GALNT3: variants seen among roughly 807,000 people sequenced by gnomAD.
GALNT3 encodes GalNAc transferase 3.
GALNT3 carries 51 observed loss-of-function variants against 69.8 expected under a neutral mutation model. The ratio of observed to expected loss-of-function variants is 0.73; its 90% CI spans 0.58 to 0.92. The LOEUF is 0.92. Ranked by LOEUF, GALNT3 falls within the 40% of genes least tolerant of loss-of-function variation. GALNT3 has a pLI of 0.00. For missense variants in GALNT3, 711 were observed against 760.0 expected, an observed-to-expected ratio of 0.94 and a Z score of 0.76; for synonymous variants, 265 against 248.5, an observed-to-expected ratio of 1.07 and a Z score of -0.63.
At chr2:165,759,140 C>T (rs1688498144) in intron 5 of GALNT3, among the ~76,000 whole-genome samples, 196 bp downstream of exon 5, 2 of 152,198 alleles carry the variant, frequency 1.3e-5, no homozygotes, top group Admixed American at 6.5e-5. Context: ...TAAGAGCTCA[C>T]TCACTGCTAC....
intron 2 of GALNT3, among the ~76,000 whole-genome samples, chr2:165,766,882 G>A (rs1688652822): frequency 6.6e-6 from 1 of 152,092 alleles, no homozygotes; most frequent in African/African-American, 2.4e-5. Flanking sequence ...TTAAAAAAAG[G>A]AGTTGGATTG....
At chr2:165,778,223 G>T (rs373418704) in intron 1 of GALNT3, among the ~76,000 whole-genome samples, 3 of 152,300 alleles carry the variant, frequency 2.0e-5, no homozygotes, top group African/African-American at 7.2e-5. Flanking sequence ...ACATATGAAA[G>T]ATATGCATTG....
chr2:165,762,470 T>C (rs1688569028), intron 3 of GALNT3, among the ~76,000 whole-genome samples: 1 of 152,130 alleles, frequency 6.6e-6, no homozygotes, highest in Non-Finnish European at 1.5e-5. Context: ...TCTGGAAATC[T>C]TAAAGAAAAA....
chr2:165,762,083 C>G (rs771048885), intron 3 of GALNT3, 29 bp from the exon 4 acceptor site: 32 of 1,456,086 alleles, frequency 2.2e-5, no homozygotes, highest in Non-Finnish European at 3.0e-5. Flanking sequence ...AGGGTTAATT[C>G]TTTCTAAATG....
At position 165,759,268 on chromosome 2, in the gene GALNT3, AAC is replaced by A. The variant is rs1191429500; in HGVS notation, c.1073+66_1073+67del. On this transcript the variant is annotated intron_variant, in intron 5 of 10. Coordinates refer to ENST00000392701, the MANE Select transcript of GALNT3 (RefSeq NM_004482.4). ...CCTCAGAGGCAATTGCTATAAAGCA[AAC>A]AGTGTGTACATATTCAATGTATGGT... The A allele has an allele frequency of 8.8e-6, 11 of 1,250,274 alleles. No homozygotes were observed. In the Admixed American group the frequency reaches 2.1e-4, roughly 24 times the overall value. The allele number at this position is 1,250,274 out of a possible 1,614,324, so 77.4% of individuals were successfully genotyped here. A position where few individuals can be genotyped will look rare whatever the true frequency, so the allele number is the denominator to read the frequency against.
chr2:165,766,857 G>A (rs1688652334), intron 2 of GALNT3, among the ~76,000 whole-genome samples: 1 of 152,064 alleles, frequency 6.6e-6, no homozygotes, highest in Non-Finnish European at 1.5e-5. Flanking sequence ...CTTTAGAATG[G>A]ATTATTTGTA....
intron 1 of GALNT3, among the ~76,000 whole-genome samples, chr2:165,776,249 C>T (rs1688844082): frequency 6.6e-6 from 1 of 152,078 alleles, no homozygotes; most frequent in Non-Finnish European, 1.5e-5. Context: ...AAATTGGAAG[C>T]CCTACGTAAA....
intron 1 of GALNT3, among the ~76,000 whole-genome samples, chr2:165,774,909 C>CTTTTTTTTTT (rs71031204): frequency 2.4e-4 from 25 of 104,370 alleles, no homozygotes; most frequent in Non-Finnish European, 3.5e-4. Context: ...CTTCTTCTCT[C>CTTTTTTTTTT]TTTTTTTTTT....
At position 165,781,961 on chromosome 2, in the gene GALNT3, G is replaced by A. The variant is rs115581709; in HGVS notation, c.-108-11153C>T. ...TCAATAGCTACATACCAAATGCCAG[G>A]GGCCATGTGGTTTGATAAAGATATT... On this transcript the variant is annotated intron_variant, in intron 1 of 10. Transcript: ENST00000392701. Among the ~76,000 whole-genome samples, 928 of 152,192 alleles carry A rather than the reference G, an allele frequency of 6.1e-3. 9 individuals are homozygous for A. Among genetic ancestry groups the A allele is most frequent in the African/African-American group, 0.021 (873 of 41,544 alleles).
At chr2:165,782,673 C>T (rs1335838336) in intron 1 of GALNT3, among the ~76,000 whole-genome samples, 1 of 152,138 alleles carries the variant, frequency 6.6e-6, no homozygotes, top group African/African-American at 2.4e-5. Flanking sequence ...ACTTTTAAGT[C>T]TCCACTTTGA....
In GALNT3 at chr2:165,749,834, G is replaced by A; in HGVS notation, c.1687C>T (p.His563Tyr). 6.2e-7 allele frequency: 1 copy of A among 1,613,640 alleles called. No individual in the cohort carries two copies. The highest frequency in any genetic ancestry group is 8.5e-7 in the Non-Finnish European group (1 of 1,179,618). Reference protein sequence around the residue: ...RHNIQKELCLHAAQGLVQLKA... With the variant: ...RHNIQKELCLYAAQGLVQLKA... ...AGCTGAACGAGACCTTGAGCAGCAT[G>A]AAGACATAATTCCTTCTGGATGTTG... Residue 563 changes from histidine to tyrosine, a missense_variant, in exon 10 of 11, where the codon CAT becomes TAT. Coordinates refer to ENST00000392701, the MANE Select transcript of GALNT3 (RefSeq NM_004482.4).
intron 1 of GALNT3, among the ~76,000 whole-genome samples, chr2:165,786,843 G>A (rs1417905866): frequency 6.6e-6 from 1 of 152,122 alleles, no homozygotes. Flanking sequence ...ACCTCATAGG[G>A]TTGCTTTGAA....
Position 165,761,693 on chromosome 2 carries a change from A to T in GALNT3, c.838+212T>A, listed in dbSNP as rs1688551096. 3.1e-5 allele frequency: 22 copies of T among 714,736 alleles called. No homozygotes were observed. In the South Asian group the frequency reaches 3.2e-4, roughly 10 times the overall value. The allele number at this position is 714,736 out of a possible 1,614,324, so 44.3% of individuals were successfully genotyped here. Reference sequence around the variant, plus strand: ...GAACACTGAAGTTGAGGAAACTTAAACACAAAAGGAGATAAGAATTCTGCA... The same window carrying T: ...GAACACTGAAGTTGAGGAAACTTAATCACAAAAGGAGATAAGAATTCTGCA... On this transcript the variant is annotated intron_variant, in intron 4 of 10. Coordinates refer to ENST00000392701, the MANE Select transcript of GALNT3 (RefSeq NM_004482.4).
chr2:165,758,198 C>T (rs562217709), intron 6 of GALNT3, among the ~76,000 whole-genome samples: 2 of 152,284 alleles, frequency 1.3e-5, no homozygotes, highest in Admixed American at 6.5e-5. Context: ...TAGTTCAGTT[C>T]TTTTTCCACT....
intron 2 of GALNT3, among the ~76,000 whole-genome samples, chr2:165,767,869 C>CTTTTTTTTTTTTTTTTT (rs34044047): frequency 1.2e-5 from 1 of 82,464 alleles, no homozygotes; most frequent in African/African-American, 5.1e-5. Flanking sequence ...AAAAACAAAT[C>CTTTTTTTTTTTTTTTTT]TTTTTTTTTT....
chr2:165,789,732 G>T (rs1383975787), intron 1 of GALNT3, among the ~76,000 whole-genome samples: 2 of 151,686 alleles, frequency 1.3e-5, no homozygotes, highest in African/African-American at 4.8e-5. Context: ...TGATTTTTTT[G>T]GATGTTAGAA....
At position 165,756,475 on chromosome 2, in the gene GALNT3, G is replaced by A. The variant is rs192545652; in HGVS notation, c.1392+572C>T. ...CTACTCTGGGAGAGAGACAGCATGC[G>A]TATTTCATCTCTTAAAACAGGGAAG... On this transcript the variant is annotated intron_variant, in intron 7 of 10. Coordinates refer to ENST00000392701, the MANE Select transcript of GALNT3 (RefSeq NM_004482.4). Among the ~76,000 whole-genome samples the A allele has an allele frequency of 9.2e-5, 14 of 152,040 alleles. No homozygotes were observed. The East Asian group carries it at 1.4e-3, about 15-fold the overall frequency.
At chr2:165,768,147 C>T (rs1688681340) in intron 2 of GALNT3, among the ~76,000 whole-genome samples, 1 of 151,888 alleles carries the variant, frequency 6.6e-6, no homozygotes, top group South Asian at 2.1e-4. Flanking sequence ...GGGCAGATCA[C>T]GAAGTCAAAA....
intron 1 of GALNT3, among the ~76,000 whole-genome samples, chr2:165,783,751 C>T (rs1444343193): frequency 1.3e-5 from 2 of 152,038 alleles, no homozygotes; most frequent in African/African-American, 2.4e-5. Context: ...GTTTACTAAC[C>T]CCTGCTCTAG....
Sources: allele counts gnomAD v4.1 joint callset (sites outside exome capture counted in the v4.1 genomes callset), GRCh38; gene constraint gnomAD v4.1.1; transcripts MANE v1.5; gene names NCBI Gene and HGNC (gene_info 2026-07-23, HGNC 2026-07-21).